The following VPS8 variants were observed in gnomAD, a reference collection of about 807,000 sequenced individuals.
VPS8 encodes VPS8 subunit of CORVET complex.
Under a neutral mutation model 216.4 loss-of-function variants are expected in VPS8, and 129 were observed. The observed-to-expected ratio is 0.60, with a 90% CI of 0.52 to 0.69. The LOEUF (loss-of-function observed/expected upper bound fraction) is 0.69. Among genes scored for constraint, VPS8 ranks in the 30% least tolerant of loss-of-function variants. The pLI is 0.00. For missense variants in VPS8, 1,531 were observed against 1,683.5 expected (o/e 0.91, Z 1.59); for synonymous variants, 571 against 565.4 (o/e 1.01, Z -0.14).
chr3:184,868,210 G>T, intron 18 of VPS8, 151 bp downstream of exon 18: 1 of 696,810 alleles, frequency 1.4e-6, no homozygotes, highest in Non-Finnish European at 2.4e-6. Flanking sequence ...TACTTGATTT[G>T]CTAGAACTGA....
At position 185,037,118 on chromosome 3, in the gene VPS8, A is replaced by T. The variant is rs575229287; in HGVS notation, c.4057-11361A>T. 4.6e-4 allele frequency among the ~76,000 whole-genome samples: 69 copies of T among 149,234 alleles called. No individual in the cohort carries two copies. In the South Asian group the frequency reaches 7.1e-3, roughly 15 times the overall value. ...TTACCCTCCATAGTCAGTTGCTTTC[A>T]TGCCAAAGAAATTGCATTAGTAGTT... is the stretch of plus-strand genomic sequence containing the variant. On this transcript the variant is annotated intron_variant, in intron 46 of 47. Coordinates refer to ENST00000625842, the MANE Select transcript of VPS8 (RefSeq NM_001009921.3).
At chr3:185,025,043 A>G (rs1181832044) in intron 46 of VPS8, among the ~76,000 whole-genome samples, 2 of 152,182 alleles carry the variant, frequency 1.3e-5, no homozygotes, top group Admixed American at 6.5e-5. Context: ...CTTTACTTCT[A>G]GAGAGCTGTG....
At chr3:184,957,244 T>A (rs769584899) in intron 36 of VPS8, 130 bp from the exon 37 acceptor site, 5 of 948,338 alleles carry the variant, frequency 5.3e-6, no homozygotes, top group Non-Finnish European at 7.7e-6. Flanking sequence ...AGACTTTCAA[T>A]TCATATTTTT....
intron 39 of VPS8, among the ~76,000 whole-genome samples, chr3:184,970,727 A>G (rs1748265694): frequency 6.6e-6 from 1 of 152,116 alleles, no homozygotes; most frequent in Non-Finnish European, 1.5e-5. Flanking sequence ...GGTGGTTTTT[A>G]TGGAAGGGAC....
rs138598866 is a variant in VPS8 at position 184,955,443 on chromosome 3, T to A, written c.3036-1931T>A. On this transcript the variant is annotated intron_variant, in intron 36 of 47. Transcript: ENST00000625842. ...GGAAGGGCCCCCTGTCCCATGATCA[T>A]GTGACTTGCTTCACCTTATCACTTA... 1.4e-4 allele frequency among the ~76,000 whole-genome samples: 21 copies of A among 152,312 alleles called. No individual in the cohort carries two copies. The East Asian group carries it at 4.1e-3, about 29-fold the overall frequency.
chr3:184,989,261 T>C (rs1751546389), intron 42 of VPS8, among the ~76,000 whole-genome samples: 1 of 152,242 alleles, frequency 6.6e-6, no homozygotes, highest in Non-Finnish European at 1.5e-5. Context: ...AGATACTGTT[T>C]ATCAAGTTTA....
chr3:184,953,515 A>C (rs1433700897), intron 36 of VPS8, among the ~76,000 whole-genome samples: 1 of 152,138 alleles, frequency 6.6e-6, no homozygotes, highest in Non-Finnish European at 1.5e-5. Context: ...ACCCTTTAGG[A>C]AGCAATCTAG....
intron 40 of VPS8, among the ~76,000 whole-genome samples, chr3:184,981,363 G>A (rs1283661898): frequency 1.3e-5 from 2 of 152,024 alleles, no homozygotes; most frequent in Non-Finnish European, 2.9e-5. Context: ...AGTGGTGTGG[G>A]GTGTGCTGCA....
At chr3:184,999,358 C>T (rs1335104385) in intron 44 of VPS8, among the ~76,000 whole-genome samples, 2 of 152,214 alleles carry the variant, frequency 1.3e-5, no homozygotes, top group African/African-American at 4.8e-5. Context: ...CACGCCCAGC[C>T]CCCAGTTGCC....
At chr3:184,868,676 A>C (rs1280184900) in intron 18 of VPS8, among the ~76,000 whole-genome samples, 1 of 152,226 alleles carries the variant, frequency 6.6e-6, no homozygotes, top group Non-Finnish European at 1.5e-5. Context: ...ATGTTGTGAT[A>C]AACAACTAGC....
intron 28 of VPS8, among the ~76,000 whole-genome samples, chr3:184,919,345 A>G (rs1032163555): frequency 7.9e-5 from 12 of 152,236 alleles, no homozygotes; most frequent in Non-Finnish European, 1.0e-4. Context: ...AGTGAAAACC[A>G]TAGGAACTAT....
chr3:184,837,225 T>C (rs1308454686), intron 5 of VPS8, among the ~76,000 whole-genome samples: 1 of 152,204 alleles, frequency 6.6e-6, no homozygotes, highest in African/African-American at 2.4e-5. Context: ...TTTTTTAGCT[T>C]TTGAAGTCAG....
intron 42 of VPS8, among the ~76,000 whole-genome samples, chr3:184,984,574 T>C (rs1037438804): frequency 1.3e-5 from 2 of 152,152 alleles, no homozygotes; most frequent in Non-Finnish European, 2.9e-5. Context: ...ATTACAGGCA[T>C]GAGCCACAGC....
In VPS8 at chr3:184,852,609, G is replaced by C. The variant is rs145010421; in HGVS notation, c.821+42G>C. The C allele has an allele frequency of 9.5e-6, 15 of 1,573,590 alleles. No homozygotes were observed. The African/African-American group carries it at 1.6e-4, about 17-fold the overall frequency. On this transcript the variant is annotated intron_variant, in intron 11 of 47. Coordinates refer to ENST00000625842, the MANE Select transcript of VPS8 (RefSeq NM_001009921.3). ...CATTTGTTGACAAATGAAAAGACTA[G>C]CTCTGTTTTAATGATTTGAAATTGA...
intron 23 of VPS8, among the ~76,000 whole-genome samples, chr3:184,897,586 C>T (rs1437534026): frequency 6.6e-6 from 1 of 152,078 alleles, no homozygotes; most frequent in Admixed American, 6.6e-5. Context: ...ATGTGTTAGT[C>T]ATCAGTGAAG....
In VPS8 at chr3:184,971,704, T is replaced by C; in HGVS notation, c.3372T>C (p.Ile1124=). Residue 1124 remains isoleucine (I), a synonymous_variant, in exon 40 of 48, where the codon ATT becomes ATC. Transcript: ENST00000625842. ...KDVEDTMVET[I]ALCQRNSHNL... ...TTGAAGATACTATGGTGGAGACCAT[T>C]GCTCTTTGCCAGAGAAATTCACATA... is the stretch of plus-strand genomic sequence containing the variant. The C allele has an allele frequency of 1.2e-6, 2 of 1,613,586 alleles. No individual in the cohort carries two copies. Among genetic ancestry groups the C allele is most frequent in the South Asian group, 2.2e-5 (2 of 91,012 alleles).
chr3:184,982,919 C>G (rs1028136946), intron 41 of VPS8, 93 bp from the exon 42 acceptor site: 1 of 1,131,702 alleles, frequency 8.8e-7, no homozygotes, highest in Admixed American at 3.2e-5. Flanking sequence ...TTCTAAGAAG[C>G]TATATAAATG....
intron 39 of VPS8, among the ~76,000 whole-genome samples, chr3:184,970,302 C>CT (rs1407691659): frequency 2.6e-5 from 4 of 152,152 alleles, no homozygotes; most frequent in Non-Finnish European, 4.4e-5. Context: ...TATACACAGA[C>CT]TACTAAAACA....
At chr3:184,919,775 A>G (rs1368068840) in intron 28 of VPS8, among the ~76,000 whole-genome samples, 2 of 152,194 alleles carry the variant, frequency 1.3e-5, no homozygotes, top group Non-Finnish European at 2.9e-5. Context: ...ATGATGGCTG[A>G]ACATGTAGTA....
Sources: allele counts gnomAD v4.1 joint callset (sites outside exome capture counted in the v4.1 genomes callset), GRCh38; gene constraint gnomAD v4.1.1; transcripts MANE v1.5; gene names NCBI Gene and HGNC (gene_info 2026-07-23, HGNC 2026-07-21).